Variants in SHISA6 observed in about 807,000 individuals in gnomAD.
SHISA6 encodes the protein protein shisa-6.
Under a neutral mutation model 47.9 loss-of-function variants are expected in SHISA6, and 22 were observed. The ratio of observed to expected loss-of-function variants is 0.46; its 90% CI spans 0.33 to 0.66. The LOEUF (loss-of-function observed/expected upper bound fraction) is 0.66. Ranked by LOEUF, SHISA6 falls within the 30% of genes least tolerant of loss-of-function variation. SHISA6 has a pLI of 0.02. For synonymous variants in SHISA6, 388 were observed against 337.8 expected (o/e 1.15, Z -1.63); for missense variants, 680 against 764.6 (o/e 0.89, Z 1.30).
intron 2 of SHISA6, among the ~76,000 whole-genome samples, chr17:11,308,431 GC>G (rs1327295070): frequency 6.6e-6 from 1 of 152,094 alleles, no homozygotes. Flanking sequence ...AATGGCAGGA[GC>G]GTGGTTTTCT....
rs1037782775 is a variant in SHISA6, at chr17:11,558,682, G to A, written c.*378G>A. 4.7e-5 allele frequency: 13 copies of A among 278,734 alleles called. No homozygotes were observed. The highest frequency in any genetic ancestry group is 2.6e-4 in the African/African-American group (12 of 46,262). 17.3% of individuals were successfully genotyped at this position (278,734 alleles called of 1,614,324 possible). A position where few individuals can be genotyped will look rare whatever the true frequency, so the allele number is the denominator to read the frequency against. On this transcript the variant is annotated 3_prime_UTR_variant, in exon 6 of 6. Transcript: ENST00000441885. ...AGCAGAGAGACCCTTGCTTGACTGT[G>A]GTCTGAAGCTGCCTGGGTTTGAAGG...
intron 3 of SHISA6, among the ~76,000 whole-genome samples, chr17:11,449,941 G>A (rs1226229041): frequency 6.6e-6 from 1 of 152,228 alleles, no homozygotes; most frequent in Non-Finnish European, 1.5e-5. Context: ...CTGGAGTGCA[G>A]TGGCGCGATC....
chr17:11,454,722 G>A (rs917701942), intron 3 of SHISA6, among the ~76,000 whole-genome samples: 15 of 152,122 alleles, frequency 9.9e-5, no homozygotes, highest in East Asian at 3.9e-4. Flanking sequence ...CCATCATGGC[G>A]CTTATCCAAA....
chr17:11,350,186 T>TTTATTTATTTA (rs1555529942), intron 2 of SHISA6, among the ~76,000 whole-genome samples: 10 of 114,770 alleles, frequency 8.7e-5, no homozygotes, highest in East Asian at 2.8e-4. Context: ...TTATTTATTT[T>TTTATTTATTTA]TTTTTTTTTT....
At chr17:11,310,376 G>A (rs1312766239) in intron 2 of SHISA6, among the ~76,000 whole-genome samples, 1 of 152,156 alleles carries the variant, frequency 6.6e-6, no homozygotes, top group African/African-American at 2.4e-5. Context: ...TGTATGAAGG[G>A]AAATAATGCA....
intron 3 of SHISA6, among the ~76,000 whole-genome samples, chr17:11,452,551 G>T (rs1215386272): frequency 1.3e-5 from 2 of 152,154 alleles, no homozygotes; most frequent in African/African-American, 4.8e-5. Flanking sequence ...GAGCAAATGA[G>T]ATCTCTGCTC....
At chr17:11,272,264 GC>G (rs1200862659) in intron 2 of SHISA6, among the ~76,000 whole-genome samples, 3 of 152,148 alleles carry the variant, frequency 2.0e-5, no homozygotes, top group Non-Finnish European at 4.4e-5. Context: ...GCCATGCTCT[GC>G]TCTTTGCTTG....
At chr17:11,351,205 C>A (rs948846694) in intron 2 of SHISA6, among the ~76,000 whole-genome samples, 2 of 152,010 alleles carry the variant, frequency 1.3e-5, no homozygotes, top group African/African-American at 4.8e-5. Flanking sequence ...GGGCTTAATA[C>A]CTAGATGATG....
intron 2 of SHISA6, among the ~76,000 whole-genome samples, chr17:11,354,841 C>G (rs956059137): frequency 6.6e-6 from 1 of 152,216 alleles, no homozygotes; most frequent in Non-Finnish European, 1.5e-5. Context: ...GGAAGGCTCT[C>G]TTTCTTCCCA....
intron 2 of SHISA6, among the ~76,000 whole-genome samples, chr17:11,371,197 A>G (rs1912620367): frequency 6.6e-6 from 1 of 152,230 alleles, no homozygotes; most frequent in Non-Finnish European, 1.5e-5. Context: ...GCAAGCTCAG[A>G]AGCTGCCTTG....
chr17:11,499,683 C>CTTTTTTTTTTTTTTTTTTT (rs372464937), intron 3 of SHISA6, among the ~76,000 whole-genome samples: 8 of 127,550 alleles, frequency 6.3e-5, no homozygotes, highest in Non-Finnish European at 9.8e-5. Context: ...CTTTTTCTTT[C>CTTTTTTTTTTTTTTTTTTT]TTTTTTTTTT....
At chr17:11,307,276 AGATAACT>A (rs1910154523) in intron 2 of SHISA6, among the ~76,000 whole-genome samples, 1 of 151,900 alleles carries the variant, frequency 6.6e-6, no homozygotes, top group Non-Finnish European at 1.5e-5. Context: ...GGCTCTATTG[AGATAACT>A]GTTGCTTACA....
At chr17:11,340,344 A>G (rs1343275734) in intron 2 of SHISA6, among the ~76,000 whole-genome samples, 1 of 152,202 alleles carries the variant, frequency 6.6e-6, no homozygotes, top group African/African-American at 2.4e-5. Flanking sequence ...GGTTGCATTT[A>G]GCTGTGGGGA....
intron 3 of SHISA6, among the ~76,000 whole-genome samples, chr17:11,481,801 T>C (rs1482994305): frequency 6.6e-6 from 1 of 151,852 alleles, no homozygotes; most frequent in Non-Finnish European, 1.5e-5. Context: ...CCTGAAGATA[T>C]ATTTAAGAGC....
intron 3 of SHISA6, among the ~76,000 whole-genome samples, chr17:11,387,413 G>A (rs999062333): frequency 1.3e-5 from 2 of 152,182 alleles, no homozygotes; most frequent in African/African-American, 4.8e-5. Flanking sequence ...GAATCACAGA[G>A]GTGCCCCCTT....
At chr17:11,310,545 GA>G (rs1472060255) in intron 2 of SHISA6, among the ~76,000 whole-genome samples, 1 of 152,154 alleles carries the variant, frequency 6.6e-6, no homozygotes, top group African/African-American at 2.4e-5. Flanking sequence ...GGAGACAGAA[GA>G]AATGAGGTCA....
intron 3 of SHISA6, among the ~76,000 whole-genome samples, chr17:11,519,892 T>C (rs754514523): frequency 2.6e-5 from 4 of 152,212 alleles, no homozygotes; most frequent in Non-Finnish European, 4.4e-5. Context: ...TGTGCCCTCT[T>C]GGTTTCCATG....
At chr17:11,539,434 A>G (rs2071815122) in intron 3 of SHISA6, among the ~76,000 whole-genome samples, 1 of 152,260 alleles carries the variant, frequency 6.6e-6, no homozygotes, top group African/African-American at 2.4e-5. Context: ...TGCCCACTCC[A>G]AACACACACA....
At chr17:11,336,642 C>G (rs1911332880) in intron 2 of SHISA6, among the ~76,000 whole-genome samples, 1 of 152,176 alleles carries the variant, frequency 6.6e-6, no homozygotes, top group South Asian at 2.1e-4. Flanking sequence ...GCTCCCTTCT[C>G]TCCTCCCCTC....
Sources: gnomAD v4.1 joint callset for allele counts (sites outside exome capture counted in the v4.1 genomes callset) on GRCh38, gnomAD v4.1.1 for gene constraint, MANE v1.5 for transcripts, NCBI Gene and HGNC (gene_info 2026-07-23, HGNC 2026-07-21) for gene names.